SVIL: variants seen among roughly 807,000 people sequenced by gnomAD.
The protein encoded by SVIL is supervillin.
A neutral mutation model predicts 240.4 loss-of-function variants in SVIL; 101 were observed. That is an observed-to-expected ratio of 0.42 (90% confidence interval 0.36 to 0.50). The LOEUF is 0.50. SVIL is among the 20% of genes least tolerant of loss of function. The pLI is 0.01. For missense variants in SVIL, 2,512 were observed against 2,818.7 expected (o/e 0.89, Z 2.46); for synonymous variants, 999 against 1,100.0 (o/e 0.91, Z 1.82).
chr10:29,526,228 A>C (rs1316810007), intron 13 of SVIL, among the ~76,000 whole-genome samples: 1 of 152,014 alleles, frequency 6.6e-6, no homozygotes, highest in Non-Finnish European at 1.5e-5. Context: ...TGTTTGAAAA[A>C]GACTGGGTCT....
intron 7 of SVIL, among the ~76,000 whole-genome samples, 178 bp from the exon 8 acceptor site, chr10:29,533,636 C>T (rs1192155207): frequency 2.0e-5 from 3 of 152,132 alleles, no homozygotes; most frequent in African/African-American, 7.2e-5. Flanking sequence ...GTTGAGTTTC[C>T]AATTTGCATA....
intron 17 of SVIL, among the ~76,000 whole-genome samples, chr10:29,499,477 T>G (rs1000848228): frequency 6.6e-6 from 1 of 152,226 alleles, no homozygotes; most frequent in Non-Finnish European, 1.5e-5. Flanking sequence ...TAACTTTAGA[T>G]GAATGCCTCT....
intron 1 of SVIL, among the ~76,000 whole-genome samples, chr10:29,700,489 G>C (rs1311861388): frequency 2.5e-5 from 1 of 40,196 alleles, no homozygotes. Context: ...TTTTTTTTTG[G>C]AGATGGAGAT....
intron 1 of SVIL, among the ~76,000 whole-genome samples, chr10:29,582,304 A>G (rs1177492396): frequency 6.6e-6 from 1 of 152,208 alleles, no homozygotes; most frequent in Non-Finnish European, 1.5e-5. Context: ...CATGCTGAGC[A>G]CCTGGAGAAC....
intron 29 of SVIL, among the ~76,000 whole-genome samples, chr10:29,478,808 C>T (rs929831127): frequency 1.3e-5 from 2 of 151,098 alleles, no homozygotes; most frequent in South Asian, 2.1e-4. Flanking sequence ...GCCTGTAGTC[C>T]CAGCTACTTG....
rs753725836 is a variant in SVIL at position 29,471,187 on chromosome 10, C to T, written c.5586G>A (p.Gly1862=). The part of the protein sequence containing the change: ...PPCFLQCFQG[G]MVVHSGRREE... ...CCCGCCTCCCCGAGTGCACCACCATCCCCCCCTGGAAACACTGCAGGAAAC... is the reference window on the plus strand; with the variant it reads ...CCCGCCTCCCCGAGTGCACCACCATTCCCCCCTGGAAACACTGCAGGAAAC... The change falls in exon 31 of 38, where the codon GGG becomes GGA. Residue 1862 remains glycine, a synonymous_variant. Coordinates refer to ENST00000355867, the MANE Select transcript of SVIL (RefSeq NM_021738.3). 4 of 1,612,202 alleles carry T rather than the reference C, an allele frequency of 2.5e-6. No homozygotes were observed. The highest frequency in any genetic ancestry group is 2.2e-5 in the South Asian group (2 of 90,930).
intron 1 of SVIL, among the ~76,000 whole-genome samples, chr10:29,690,856 G>A (rs796685197): frequency 5.3e-5 from 8 of 152,264 alleles, no homozygotes; most frequent in African/African-American, 1.9e-4. Context: ...CTGGGGTTCT[G>A]TATAATTCAT....
chr10:29,719,445 C>G (rs1045338317), intron 1 of SVIL, among the ~76,000 whole-genome samples: 1 of 152,130 alleles, frequency 6.6e-6, no homozygotes, highest in Non-Finnish European at 1.5e-5. Flanking sequence ...TTCCATCCCC[C>G]CAGAAGATAA....
At chr10:29,488,559 A>G in intron 23 of SVIL, 42 bp downstream of exon 23, 2 of 1,513,360 alleles carry the variant, frequency 1.3e-6, no homozygotes, top group Non-Finnish European at 1.8e-6. Context: ...CCAGACAGAA[A>G]CCACGGGCCC....
Position 29,701,174 on chromosome 10 carries a change from C to G in SVIL, c.-399-14523G>C, listed in dbSNP as rs565089776. Among the ~76,000 whole-genome samples, 135 of 152,282 alleles carry G rather than the reference C, an allele frequency of 8.9e-4. 1 individual carries two copies. The highest frequency in any genetic ancestry group is 1.6e-3 in the Non-Finnish European group (112 of 68,024). On this transcript the variant is annotated intron_variant, in intron 1 of 35. Transcript: ENST00000375400. ...CCCACCCCTCACTGCAAAAATAGAC[C>G]ATGCACAGACCCACTCCTCTGTCCA...
chr10:29,529,292 G>A (rs1442320679), intron 12 of SVIL, among the ~76,000 whole-genome samples: 1 of 151,774 alleles, frequency 6.6e-6, no homozygotes, highest in Non-Finnish European at 1.5e-5. Flanking sequence ...GGATGAAATG[G>A]TAAGACCTCT....
chr10:29,603,091 T>C (rs1341394248), intron 1 of SVIL, among the ~76,000 whole-genome samples: 2 of 151,594 alleles, frequency 1.3e-5, no homozygotes, highest in African/African-American at 2.4e-5. Flanking sequence ...AACTCGAGAC[T>C]CCTTCCCCTT....
intron 16 of SVIL, among the ~76,000 whole-genome samples, chr10:29,518,565 T>C (rs1197124220): frequency 6.6e-6 from 1 of 152,076 alleles, no homozygotes; most frequent in African/African-American, 2.4e-5. Flanking sequence ...GTCTTCAATA[T>C]TAAATGAAAG....
chr10:29,535,930 T>A, intron 7 of SVIL, 59 bp downstream of exon 7: 1 of 1,563,946 alleles, frequency 6.4e-7, no homozygotes, highest in Non-Finnish European at 8.8e-7. Context: ...TGATGTGTGG[T>A]CAGGCAGGAG....
In SVIL at chr10:29,533,181, A is replaced by G; in HGVS notation, c.1186T>C (p.Ser396Pro). The change falls in exon 8 of 38, where the codon TCA becomes CCA. Residue 396 changes from serine (S) to proline (P), a missense_variant. Physicochemically the swap from Ser to Pro is moderately conservative, Grantham distance 74. Around this residue, in one of 3 missense-constraint regions of SVIL, gnomAD observed 1,443 missense variants for 1,486.6 expected, o/e 0.97. Coordinates refer to ENST00000355867, the MANE Select transcript of SVIL (RefSeq NM_021738.3). ...ENASECSWVA[S>P]ATQNVPKPPS... is the part of the protein sequence containing the mutation. ...GGTTTGGGGACATTCTGGGTGGCTG[A>G]TGCTACCCAGCTACACTCAGATGCA... 6.2e-7 allele frequency: 1 copy of G among 1,614,076 alleles called. No individual in the cohort carries two copies. The highest frequency in any genetic ancestry group is 8.5e-7 in the Non-Finnish European group (1 of 1,180,018).
intron 1 of SVIL, among the ~76,000 whole-genome samples, chr10:29,709,303 G>A (rs1963117552): frequency 6.6e-6 from 1 of 152,212 alleles, no homozygotes; most frequent in Non-Finnish European, 1.5e-5. Flanking sequence ...ACCTTTGAGT[G>A]TCGTGTCATG....
chr10:29,680,191 A>G (rs1215007943), intron 2 of SVIL, among the ~76,000 whole-genome samples: 2 of 152,090 alleles, frequency 1.3e-5, no homozygotes, highest in African/African-American at 4.8e-5. Context: ...TCTCAGTAAT[A>G]ATAAAAGTCT....
chr10:29,680,053 C>T (rs886491593), intron 2 of SVIL, among the ~76,000 whole-genome samples: 1 of 152,074 alleles, frequency 6.6e-6, no homozygotes, highest in Non-Finnish European at 1.5e-5. Context: ...GGCATAGTTG[C>T]ATGTGCCTGT....
chr10:29,638,611 TAG>T (rs1256864891), upstream of SVIL, among the ~76,000 whole-genome samples: 1 of 152,202 alleles, frequency 6.6e-6, no homozygotes, highest in Non-Finnish European at 1.5e-5. Flanking sequence ...CATAAATCTA[TAG>T]AGATTTACTT....
Sources: gnomAD v4.1 joint callset for allele counts (sites outside exome capture counted in the v4.1 genomes callset) on GRCh38, gnomAD v4.1.1 for gene constraint, gnomAD v4.1.1 regional missense constraint, MANE v1.5 for transcripts, NCBI Gene and HGNC (gene_info 2026-07-23, HGNC 2026-07-21) for gene names.